PARD3B: variants seen among roughly 807,000 people sequenced by gnomAD.
PARD3B encodes par-3 family cell polarity regulator beta.
A neutral mutation model predicts 130.2 loss-of-function variants in PARD3B; 103 were observed. The observed-to-expected ratio is 0.79, with a 90% CI of 0.67 to 0.93. PARD3B has a LOEUF of 0.93. Ranked by LOEUF, PARD3B falls within the 40% of genes least tolerant of loss-of-function variation. The probability of loss-of-function intolerance (pLI) is 0.00; values close to 1 mark genes in which losing one functional copy is unlikely to be tolerated. For missense variants in PARD3B, 1,609 were observed against 1,499.2 expected (o/e 1.07, Z -1.21); for synonymous variants, 583 against 553.2 (o/e 1.05, Z -0.76).
chr2:204,846,484 A>T (rs1362684277), intron 2 of PARD3B, among the ~76,000 whole-genome samples: 1 of 151,940 alleles, frequency 6.6e-6, no homozygotes, highest in Non-Finnish European at 1.5e-5. Context: ...TGTGGACACA[A>T]AGTTCATACG....
chr2:205,164,802 C>G (rs2125727488), intron 11 of PARD3B, among the ~76,000 whole-genome samples: 1 of 134,834 alleles, frequency 7.4e-6, no homozygotes, highest in African/African-American at 2.9e-5. Context: ...TTATGGGTAC[C>G]TATAGGCCAT....
chr2:204,927,885 G>A (rs1313723051), intron 2 of PARD3B, among the ~76,000 whole-genome samples: 2 of 152,110 alleles, frequency 1.3e-5, no homozygotes, highest in Admixed American at 6.6e-5. Context: ...GAGATTGATA[G>A]ATAATATATG....
At chr2:204,990,544 G>T (rs1693569798) in intron 3 of PARD3B, among the ~76,000 whole-genome samples, 1 of 151,960 alleles carries the variant, frequency 6.6e-6, no homozygotes. Context: ...CCACTTTCCA[G>T]ACTCTAGTAA....
At chr2:204,737,987 A>G (rs2039833459) in intron 2 of PARD3B, among the ~76,000 whole-genome samples, 1 of 151,992 alleles carries the variant, frequency 6.6e-6, no homozygotes, top group African/African-American at 2.4e-5. Context: ...AGTATAATTC[A>G]AAGTCCAGTC....
chr2:205,134,202 G>T (rs2032268446), intron 10 of PARD3B, among the ~76,000 whole-genome samples: 1 of 152,060 alleles, frequency 6.6e-6, no homozygotes, highest in South Asian at 2.1e-4. Flanking sequence ...CAGAAACACT[G>T]CCCCTTACCA....
intron 22 of PARD3B, among the ~76,000 whole-genome samples, chr2:205,597,369 A>G (rs1344249784): frequency 6.6e-6 from 1 of 152,128 alleles, no homozygotes; most frequent in Non-Finnish European, 1.5e-5. Context: ...TTCTTTTTTT[A>G]TGGCTGCATG....
chr2:205,381,175 T>TATATA lies in PARD3B; in HGVS notation c.2631-19837_2631-19833dup, dbSNP rs1559036074. 1.2e-3 allele frequency among the ~76,000 whole-genome samples: 145 copies of TATATA among 119,870 alleles called. 1 individual carries two copies. Among genetic ancestry groups the TATATA allele is most frequent in the South Asian group, 4.3e-3 (18 of 4,172 alleles). 78.6% of individuals were successfully genotyped at this position (119,870 alleles called of 152,430 possible). ...TATAATATATATAAAGAATATATAA[T>TATATA]ATATATAAAGAATATATATTATATA... is the stretch of plus-strand genomic sequence containing the variant. On this transcript the variant is annotated intron_variant, in intron 18 of 22. Coordinates refer to ENST00000406610, the MANE Select transcript of PARD3B (RefSeq NM_001302769.2).
intron 2 of PARD3B, among the ~76,000 whole-genome samples, chr2:204,864,180 C>CCGTT (rs2045321393): frequency 6.6e-6 from 1 of 152,158 alleles, no homozygotes; most frequent in South Asian, 2.1e-4. Flanking sequence ...TACTCCTAAG[C>CCGTT]CGTTCCTGTA....
At chr2:204,587,557 A>G (rs1396453815) in intron 1 of PARD3B, among the ~76,000 whole-genome samples, 1 of 152,234 alleles carries the variant, frequency 6.6e-6, no homozygotes, top group Non-Finnish European at 1.5e-5. Context: ...ATTGAAAGCA[A>G]AGAAAGCTAC....
At chr2:204,814,922 A>G (rs1575052883) in intron 2 of PARD3B, among the ~76,000 whole-genome samples, 2 of 151,992 alleles carry the variant, frequency 1.3e-5, no homozygotes, top group South Asian at 2.1e-4. Flanking sequence ...TAAAATTGTA[A>G]TAAGTTCCAC....
At chr2:205,034,830 A>T (rs1013557952) in intron 3 of PARD3B, among the ~76,000 whole-genome samples, 3 of 151,972 alleles carry the variant, frequency 2.0e-5, no homozygotes, top group Admixed American at 2.0e-4. Context: ...TTTTTTCTCT[A>T]TAATTTTTGG....
At chr2:205,454,701 C>T (rs574598739) in intron 20 of PARD3B, among the ~76,000 whole-genome samples, 1 of 152,116 alleles carries the variant, frequency 6.6e-6, no homozygotes, top group Admixed American at 6.6e-5. Flanking sequence ...ATGTCAAGTT[C>T]AGTAGGGGGC....
intron 22 of PARD3B, among the ~76,000 whole-genome samples, chr2:205,556,222 C>T (rs1453282784): frequency 2.0e-5 from 3 of 152,144 alleles, no homozygotes; most frequent in South Asian, 2.1e-4. Context: ...TGTAGGAAGT[C>T]GGTGGCCAAC....
intron 2 of PARD3B, among the ~76,000 whole-genome samples, chr2:204,831,126 G>T: frequency 6.6e-6 from 1 of 151,944 alleles, no homozygotes; most frequent in South Asian, 2.1e-4. Flanking sequence ...CTAAAATTTA[G>T]CTTAATAGCT....
intron 20 of PARD3B, among the ~76,000 whole-genome samples, chr2:205,456,041 T>C (rs2106210255): frequency 6.6e-6 from 1 of 152,222 alleles, no homozygotes; most frequent in Admixed American, 6.5e-5. Context: ...ATCACATAAA[T>C]GGGGTAGCAT....
At chr2:204,816,547 A>G (rs1286624640) in intron 2 of PARD3B, among the ~76,000 whole-genome samples, 2 of 151,838 alleles carry the variant, frequency 1.3e-5, no homozygotes, top group Non-Finnish European at 2.9e-5. Context: ...TTTTTCTTTT[A>G]TTACTTTAAA....
At chr2:205,522,200 A>G (rs1054190823) in intron 21 of PARD3B, among the ~76,000 whole-genome samples, 6 of 151,662 alleles carry the variant, frequency 4.0e-5, no homozygotes, top group African/African-American at 1.5e-4. Context: ...AATGAAACCT[A>G]TTTTTTGAAT....
At chr2:205,029,343 CTG>C (rs1431569704) in intron 3 of PARD3B, among the ~76,000 whole-genome samples, 4 of 152,140 alleles carry the variant, frequency 2.6e-5, no homozygotes, top group African/African-American at 9.6e-5. Flanking sequence ...TCTTCTGCCT[CTG>C]TGGTGTCTTT....
At chr2:205,198,509 T>C in intron 15 of PARD3B, among the ~76,000 whole-genome samples, 1 of 152,240 alleles carries the variant, frequency 6.6e-6, no homozygotes. Context: ...TTACTTGCTC[T>C]AATTTTTTTA....
Sources: allele counts gnomAD v4.1 joint callset (sites outside exome capture counted in the v4.1 genomes callset), GRCh38; gene constraint gnomAD v4.1.1; transcripts MANE v1.5; gene names NCBI Gene and HGNC (gene_info 2026-07-23, HGNC 2026-07-21).